LDLRAD3: variants seen among roughly 807,000 people sequenced by gnomAD.
The protein encoded by LDLRAD3 is low density lipoprotein receptor class A domain containing 3.
In LDLRAD3, 20 loss-of-function variants were observed where a neutral mutation model predicts 29.4. The observed-to-expected ratio is 0.68, with a 90% CI of 0.48 to 0.99. LDLRAD3 has a LOEUF of 0.99. Among genes scored for constraint, LDLRAD3 ranks in the 50% least tolerant of loss-of-function variants. LDLRAD3 has a pLI of 0.00. For synonymous variants in LDLRAD3, 157 were observed against 192.7 expected, an observed-to-expected ratio of 0.81 and a Z score of 1.53; for missense variants, 420 against 454.3, an observed-to-expected ratio of 0.92 and a Z score of 0.69.
intron 2 of LDLRAD3, among the ~76,000 whole-genome samples, chr11:36,039,874 A>G (rs184764703): frequency 8.9e-4 from 136 of 152,364 alleles, no homozygotes; most frequent in African/African-American, 3.1e-3. Context: ...GACGACAGAA[A>G]TATACAATGG....
chr11:36,144,006 C>G (rs1854129211), intron 4 of LDLRAD3, among the ~76,000 whole-genome samples: 1 of 149,098 alleles, frequency 6.7e-6, no homozygotes, highest in African/African-American at 2.5e-5. Flanking sequence ...CTGCTGCCAT[C>G]TCGGCTCACT....
intron 1 of LDLRAD3, among the ~76,000 whole-genome samples, chr11:36,021,664 G>A (rs976082814): frequency 6.6e-6 from 1 of 152,116 alleles, no homozygotes; most frequent in Admixed American, 6.5e-5. Flanking sequence ...TTCTTTTAGA[G>A]GGGGTCTGGC....
At chr11:36,210,113 C>T (rs535840937) in intron 4 of LDLRAD3, among the ~76,000 whole-genome samples, 49 of 152,346 alleles carry the variant, frequency 3.2e-4, no homozygotes, top group African/African-American at 1.2e-3. Flanking sequence ...GTTCCCAGAG[C>T]TCCCCATCCA....
chr11:35,976,873 CAT>C (rs1185783045), intron 1 of LDLRAD3, among the ~76,000 whole-genome samples: 1 of 152,088 alleles, frequency 6.6e-6, no homozygotes. Context: ...TGTGTACACA[CAT>C]GTCCATGCAT....
At chr11:35,967,782 T>C in intron 1 of LDLRAD3, 2 of 464,432 alleles carry the variant, frequency 4.3e-6, no homozygotes, top group South Asian at 1.6e-5. Flanking sequence ...AAGTGATTAG[T>C]AGACTTAGTG....
intron 4 of LDLRAD3, among the ~76,000 whole-genome samples, chr11:36,165,355 T>G (rs78263212): frequency 6.6e-6 from 1 of 152,040 alleles, no homozygotes; most frequent in Non-Finnish European, 1.5e-5. Flanking sequence ...TTTTTTTTTT[T>G]GCTTTCGTCT....
At chr11:35,965,372 C>T (rs1057278416) in intron 1 of LDLRAD3, among the ~76,000 whole-genome samples, 10 of 152,284 alleles carry the variant, frequency 6.6e-5, no homozygotes, top group African/African-American at 2.4e-4. Context: ...ACCTGTGAAC[C>T]CTTTTTCACG....
At chr11:36,034,087 T>G (rs2133208381) in intron 1 of LDLRAD3, among the ~76,000 whole-genome samples, 1 of 152,326 alleles carries the variant, frequency 6.6e-6, no homozygotes, top group Middle Eastern at 3.4e-3. Flanking sequence ...GTGCTTACTT[T>G]TTATCTCTGT....
At chr11:36,103,284 T>G (rs1177686489) in intron 4 of LDLRAD3, among the ~76,000 whole-genome samples, 1 of 146,826 alleles carries the variant, frequency 6.8e-6, no homozygotes, top group Non-Finnish European at 1.5e-5. Context: ...TCACCCAGGC[T>G]GGAGTGCAGT....
intron 4 of LDLRAD3, among the ~76,000 whole-genome samples, chr11:36,150,851 AC>A (rs1565261709): frequency 6.6e-6 from 1 of 152,068 alleles, no homozygotes; most frequent in Admixed American, 6.6e-5. Context: ...CCTTCTCTCT[AC>A]CTCCTGCTTT....
chr11:36,095,899 G>A (rs1195023905), intron 3 of LDLRAD3, among the ~76,000 whole-genome samples: 1 of 152,138 alleles, frequency 6.6e-6, no homozygotes, highest in African/African-American at 2.4e-5. Flanking sequence ...AGGCCACCAC[G>A]GTGGGATGTT....
chr11:36,188,320 G>GT (rs374322277), intron 4 of LDLRAD3, among the ~76,000 whole-genome samples: 1 of 126,784 alleles, frequency 7.9e-6, no homozygotes, highest in African/African-American at 2.9e-5. Flanking sequence ...TAAAAGAATG[G>GT]TTTTTTAAAG....
chr11:36,105,236 T>TGAGAGA (rs1392436661), intron 4 of LDLRAD3, among the ~76,000 whole-genome samples: 20 of 135,150 alleles, frequency 1.5e-4, no homozygotes, highest in African/African-American at 5.6e-4. Context: ...TGTGTGTGTG[T>TGAGAGA]GTGAGAGAGA....
chr11:36,224,075 A>G (rs954679124), intron 4 of LDLRAD3, among the ~76,000 whole-genome samples: 3 of 148,256 alleles, frequency 2.0e-5, no homozygotes, highest in African/African-American at 7.4e-5. Context: ...TCATTATTAT[A>G]TAATTATATA....
At chr11:36,163,466 T>C (rs1365321205) in intron 4 of LDLRAD3, 2 of 152,210 alleles carry the variant, frequency 1.3e-5, no homozygotes, top group African/African-American at 2.4e-5. Flanking sequence ...GCATATGATG[T>C]GTGACTGGGT....
At chr11:36,070,486 T>C (rs1299542092) in intron 2 of LDLRAD3, among the ~76,000 whole-genome samples, 1 of 152,174 alleles carries the variant, frequency 6.6e-6, no homozygotes, top group Non-Finnish European at 1.5e-5. Context: ...GTAACTCCTC[T>C]ATCTGGGGTG....
At chr11:36,129,874 G>T (rs1853899092) in intron 4 of LDLRAD3, among the ~76,000 whole-genome samples, 1 of 152,128 alleles carries the variant, frequency 6.6e-6, no homozygotes, top group Non-Finnish European at 1.5e-5. Flanking sequence ...ATTTTTCTCT[G>T]TAGTATTTAT....
At position 36,039,361 on chromosome 11, in the gene LDLRAD3, C is replaced by G. The variant is rs912249301; in HGVS notation, c.193+3112C>G. ...TGTCAAAATCAGAGCCCTTCTTCCC[C>G]CTTAGGGGGCTGTGTGATCGTGGGA... On this transcript the variant is annotated intron_variant, in intron 2 of 5. Transcript: ENST00000315571. 2.0e-5 allele frequency among the ~76,000 whole-genome samples: 3 copies of G among 152,288 alleles called. No individual in the cohort carries two copies. In the East Asian group the frequency reaches 5.8e-4, roughly 29 times the overall value.
At chr11:35,953,202 A>G (rs1275898519) in intron 1 of LDLRAD3, among the ~76,000 whole-genome samples, 2 of 152,212 alleles carry the variant, frequency 1.3e-5, no homozygotes, top group Admixed American at 6.5e-5. Context: ...GTGATTTTTG[A>G]CAGACAAATA....
Sources: allele counts gnomAD v4.1 joint callset (sites outside exome capture counted in the v4.1 genomes callset), GRCh38; gene constraint gnomAD v4.1.1; transcripts MANE v1.5; gene names NCBI Gene and HGNC (gene_info 2026-07-23, HGNC 2026-07-21).